FOXP2: variants seen among roughly 807,000 people sequenced by gnomAD.
FOXP2 encodes forkhead box protein P2.
Under a neutral mutation model 115.8 loss-of-function variants are expected in FOXP2, and 12 were observed. The observed-to-expected ratio is 0.10, with a 90% CI of 0.07 to 0.17. The LOEUF (loss-of-function observed/expected upper bound fraction) is 0.17, where lower values mean the gene tolerates loss of function less well. FOXP2 is among the 10% of genes least tolerant of loss of function. FOXP2 has a pLI of 1.00. For missense variants in FOXP2, 629 were observed against 843.5 expected (o/e 0.75, Z 3.15); for synonymous variants, 328 against 297.7 (o/e 1.10, Z -1.05).
chr7:114,334,652 C>A (rs1797797971), intron 2 of FOXP2, among the ~76,000 whole-genome samples: 1 of 150,372 alleles, frequency 6.7e-6, no homozygotes, highest in African/African-American at 2.4e-5. Flanking sequence ...GAAAAAAAAC[C>A]CATAGAGAAA....
At chr7:114,555,874 G>C (rs543802124) in intron 3 of FOXP2, among the ~76,000 whole-genome samples, 10 of 152,060 alleles carry the variant, frequency 6.6e-5, no homozygotes. Context: ...CCATGGAGGG[G>C]ATCTCCATCA....
intron 2 of FOXP2, among the ~76,000 whole-genome samples, chr7:114,489,472 A>G (rs145706324): frequency 5.5e-4 from 84 of 152,172 alleles, no homozygotes; most frequent in East Asian, 1.7e-3. Context: ...CTTTAATTAC[A>G]TAAGTTGTCT....
chr7:114,478,369 T>C (rs1203561432), intron 2 of FOXP2, among the ~76,000 whole-genome samples: 1 of 151,810 alleles, frequency 6.6e-6, no homozygotes, highest in Non-Finnish European at 1.5e-5. Flanking sequence ...GCCTAACTTA[T>C]GAGTATAAGA....
chr7:114,658,902 T>G (rs2129340668), intron 11 of FOXP2, among the ~76,000 whole-genome samples: 1 of 152,304 alleles, frequency 6.6e-6, no homozygotes, highest in East Asian at 1.9e-4. Flanking sequence ...CAGAGCCCCC[T>G]CTTTACAAAA....
At chr7:114,268,774 A>G (rs935543472) in intron 1 of FOXP2, among the ~76,000 whole-genome samples, 3 of 152,010 alleles carry the variant, frequency 2.0e-5, no homozygotes, top group African/African-American at 4.8e-5. Flanking sequence ...TTCCTCTGCC[A>G]TAGATTAGTA....
intron 2 of FOXP2, among the ~76,000 whole-genome samples, chr7:114,350,620 T>C (rs1258076474): frequency 2.0e-5 from 3 of 152,100 alleles, no homozygotes; most frequent in African/African-American, 7.2e-5. Context: ...AATAAATATA[T>C]AGTTGCCTCT....
chr7:114,686,477 C>A (rs1032594041), intron 16 of FOXP2, among the ~76,000 whole-genome samples: 25 of 152,122 alleles, frequency 1.6e-4, no homozygotes, highest in African/African-American at 5.8e-4. Flanking sequence ...CTGGCCAATA[C>A]TTAAGTCTTT....
chr7:114,284,398 G>T (rs536474326), intron 1 of FOXP2, among the ~76,000 whole-genome samples: 3 of 152,310 alleles, frequency 2.0e-5, no homozygotes, highest in Non-Finnish European at 1.5e-5. Flanking sequence ...CAAATAATGT[G>T]TGTGAATGTG....
rs1050445731 is a variant in FOXP2 at position 114,250,659 on chromosome 7, G to C, written c.-101-37360G>C. ...TTTCGATGGGATTGTTTTTGTTTTT[G>C]TAAATTTGTTTGAGTTTTTTGTAGA... On this transcript the variant is annotated intron_variant, in intron 1 of 17. Transcript: ENST00000634411. Among the ~76,000 whole-genome samples, 18 of 152,170 alleles carry C rather than the reference G, an allele frequency of 1.2e-4. 1 individual carries two copies. In the South Asian group the frequency reaches 1.5e-3, roughly 12 times the overall value.
At chr7:114,540,109 T>TCTA (rs1799581794) in intron 3 of FOXP2, among the ~76,000 whole-genome samples, 1 of 152,006 alleles carries the variant, frequency 6.6e-6, no homozygotes, top group Non-Finnish European at 1.5e-5. Flanking sequence ...TGATATATAT[T>TCTA]CTATATCATA....
chr7:114,481,154 A>G (rs1214639060), intron 2 of FOXP2, among the ~76,000 whole-genome samples: 1 of 150,094 alleles, frequency 6.7e-6, no homozygotes, highest in Non-Finnish European at 1.5e-5. Context: ...TAGTACACTA[A>G]CCTGAGTCAT....
intron 1 of FOXP2, among the ~76,000 whole-genome samples, chr7:114,166,905 C>T (rs1792997791): frequency 1.3e-5 from 2 of 152,152 alleles, no homozygotes; most frequent in South Asian, 4.1e-4. Context: ...GGCAAAAATC[C>T]AAAACACTGA....
At chr7:114,403,205 A>G (rs1225618341) in intron 2 of FOXP2, among the ~76,000 whole-genome samples, 2 of 152,236 alleles carry the variant, frequency 1.3e-5, no homozygotes, top group Non-Finnish European at 2.9e-5. Flanking sequence ...AAATACATGC[A>G]TAAAAACACT....
intron 2 of FOXP2, among the ~76,000 whole-genome samples, chr7:114,401,648 G>T (rs1792889669): frequency 6.6e-6 from 1 of 152,176 alleles, no homozygotes; most frequent in African/African-American, 2.4e-5. Context: ...AGGTCTGTTA[G>T]ATTCCATTGC....
chr7:114,320,948 C>T (rs1212343370), intron 2 of FOXP2, among the ~76,000 whole-genome samples: 1 of 152,042 alleles, frequency 6.6e-6, no homozygotes, highest in Non-Finnish European at 1.5e-5. Context: ...CCTAAGGCAA[C>T]GTTTACTTTA....
chr7:114,632,593 T>C (rs747511801), intron 6 of FOXP2, among the ~76,000 whole-genome samples: 3 of 152,174 alleles, frequency 2.0e-5, no homozygotes, highest in African/African-American at 4.8e-5. Flanking sequence ...TGTAGTAGCA[T>C]TGGCTGCACA....
chr7:114,159,805 G>T (rs1188281320), upstream of FOXP2, among the ~76,000 whole-genome samples: 3 of 152,206 alleles, frequency 2.0e-5, no homozygotes, highest in African/African-American at 4.8e-5. Flanking sequence ...CAGATTAATT[G>T]GAAAAAGGCA....
intron 3 of FOXP2, chr7:114,571,027 A>T (rs1369418136): frequency 1.3e-6 from 1 of 750,468 alleles, no homozygotes; most frequent in Admixed American, 2.1e-5. Flanking sequence ...TAAGATACAG[A>T]TGTAATTAGT....
At chr7:114,441,452 C>T (rs1229736321) in intron 2 of FOXP2, among the ~76,000 whole-genome samples, 1 of 143,098 alleles carries the variant, frequency 7.0e-6, no homozygotes, top group Non-Finnish European at 1.5e-5. Context: ...GACTCCATCT[C>T]AAAAAAAAAA....
Sources: gnomAD v4.1 joint callset for allele counts (sites outside exome capture counted in the v4.1 genomes callset) on GRCh38, gnomAD v4.1.1 for gene constraint, MANE v1.5 for transcripts, NCBI Gene and HGNC (gene_info 2026-07-23, HGNC 2026-07-21) for gene names.